The following LRSAM1 variants were observed in gnomAD, a reference collection of about 807,000 sequenced individuals.
The protein encoded by LRSAM1 is E3 ubiquitin-protein ligase LRSAM1.
Under a neutral mutation model 118.1 loss-of-function variants are expected in LRSAM1, and 96 were observed. The ratio of observed to expected loss-of-function variants is 0.81; its 90% confidence interval spans 0.69 to 0.96. The LOEUF (loss-of-function observed/expected upper bound fraction) is 0.96. Among genes scored for constraint, LRSAM1 ranks in the 40% least tolerant of loss-of-function variants. The probability of loss-of-function intolerance (pLI) is 0.00; values close to 1 mark genes in which losing one functional copy is unlikely to be tolerated. For missense variants in LRSAM1, 804 were observed against 915.5 expected (o/e 0.88, Z 1.57); for synonymous variants, 322 against 364.2 (o/e 0.88, Z 1.32).
chr9:127,499,605 A>C (rs1836294500), intron 24 of LRSAM1, among the ~76,000 whole-genome samples: 1 of 151,950 alleles, frequency 6.6e-6, no homozygotes, highest in African/African-American at 2.4e-5. Context: ...TGATAGCCTT[A>C]GAGGGTCTAG....
At chr9:127,492,983 CAAGT>C (rs1835990460) in intron 21 of LRSAM1, 86 bp downstream of exon 21, 1 of 1,086,482 alleles carries the variant, frequency 9.2e-7, no homozygotes, top group Non-Finnish European at 1.4e-6. Context: ...ACCTGTTATT[CAAGT>C]AAGAGTTATT....
At chr9:127,455,667 T>C in intron 5 of LRSAM1, 47 bp downstream of exon 5, 1 of 1,590,582 alleles carries the variant, frequency 6.3e-7, no homozygotes, top group African/African-American at 1.3e-5. Flanking sequence ...GCATGTCTGC[T>C]TGTTTGAACC....
At chr9:127,463,581 C>A (rs1392883116) in intron 9 of LRSAM1, among the ~76,000 whole-genome samples, 1 of 152,152 alleles carries the variant, frequency 6.6e-6, no homozygotes, top group Admixed American at 6.5e-5. Flanking sequence ...CTTAGAAGCA[C>A]ACCAGTCACA....
rs1020599505 is a variant in LRSAM1 at position 127,495,305 on chromosome 9, C to T, written c.1600-15C>T. The T allele has an allele frequency of 6.2e-7, 1 of 1,611,562 alleles. No homozygotes were observed. Among genetic ancestry groups the T allele is most frequent in the African/African-American group, 1.3e-5 (1 of 74,894 alleles). On this transcript the variant is annotated splice_polypyrimidine_tract_variant and intron_variant, in intron 21 of 25. Transcript: ENST00000300417. ...ACCATTTTGTGACTAACATTGCCTG[C>T]TTCATTCCTGGCAGACGGAGTTAGA... is the stretch of plus-strand genomic sequence containing the variant.
rs201264884 is a variant in LRSAM1 at position 127,489,480 on chromosome 9, G to A, written c.1384G>A (p.Val462Met). Reference protein sequence around the residue: ...MQKAAFEALQVKKDLMHRQIR... With the variant: ...MQKAAFEALQMKKDLMHRQIR... ...GAAGGCTGCGTTCGAGGCACTCCAG[G>A]TGAAGAAAGACCTGATGCATCGGCA... Residue 462 changes from valine (V) to methionine (M), a missense_variant, in exon 19 of 26, where the codon GTG becomes ATG. Val to Met is a conservative substitution (Grantham distance 21). Transcript: ENST00000300417. 1.2e-6 allele frequency: 2 copies of A among 1,610,436 alleles called. No homozygotes were observed. The highest frequency in any genetic ancestry group is 2.2e-5 in the East Asian group (1 of 44,798).
At chr9:127,497,112 C>G in intron 23 of LRSAM1, 141 bp from the exon 24 acceptor site, 6 of 800,164 alleles carry the variant, frequency 7.5e-6, no homozygotes, top group Non-Finnish European at 1.2e-5. Flanking sequence ...TGACCGTGGG[C>G]CCCGCCAGGC....
rs1216094587 is a variant in LRSAM1 at position 127,465,554 on chromosome 9, C to T, written c.529-2186C>T. ...AGGTATGGGGTTTTCTGCTGTTGGG[C>T]CCTCAGCATCTGGGCGGTCAGTTCC... On this transcript the variant is annotated intron_variant, in intron 9 of 25. Transcript: ENST00000300417. The surrounding 1 kb of genome is among the most constrained non-coding windows in gnomAD (Gnocchi z 4.1). Among the ~76,000 whole-genome samples the T allele has an allele frequency of 1.3e-5, 2 of 152,204 alleles. No individual in the cohort carries two copies. The highest frequency in any genetic ancestry group is 2.9e-5 in the Non-Finnish European group (2 of 68,038).
rs1588137587 is a variant in LRSAM1, at chr9:127,496,039, C to T, written c.1774C>T (p.His592Tyr). ...SAEHYLPIFAHHRLSLDLLSQ... is the reference protein window; with the variant it reads ...SAEHYLPIFAYHRLSLDLLSQ... ...TGAGCACTACCTGCCCATCTTTGCG[C>T]ACCACCGCCTCTCACTGGACCTGCT... Residue 592 changes from histidine (H) to tyrosine (Y), a missense_variant, in exon 23 of 26, where the codon CAC becomes TAC. His to Tyr is a moderately conservative substitution (Grantham distance 83). Coordinates refer to ENST00000300417, the MANE Select transcript of LRSAM1 (RefSeq NM_001005373.4). The T allele has an allele frequency of 1.2e-6, 2 of 1,612,452 alleles. No individual in the cohort carries two copies. Among genetic ancestry groups the T allele is most frequent in the Non-Finnish European group, 8.5e-7 (1 of 1,180,008 alleles).
At chr9:127,470,709 A>G (rs978444190) in intron 10 of LRSAM1, among the ~76,000 whole-genome samples, 2 of 152,102 alleles carry the variant, frequency 1.3e-5, no homozygotes, top group African/African-American at 4.8e-5. Flanking sequence ...TGCTCCTTTC[A>G]ACAACCTGGA....
At chr9:127,489,283 C>T (rs1009181533) in intron 18 of LRSAM1, among the ~76,000 whole-genome samples, 161 bp from the exon 19 acceptor site, 3 of 152,214 alleles carry the variant, frequency 2.0e-5, no homozygotes, top group Non-Finnish European at 4.4e-5. Flanking sequence ...CCCCTAGTAC[C>T]ATCTTAAGGT....
chr9:127,502,768 C>A lies in LRSAM1; in HGVS notation c.2047-6C>A, dbSNP rs1329512241. On this transcript the variant is annotated splice_polypyrimidine_tract_variant and splice_region_variant and intron_variant, in intron 25 of 25. Coordinates refer to ENST00000300417, the MANE Select transcript of LRSAM1 (RefSeq NM_001005373.4). ...CCAGCCACATGCTCCCGCTCTCCCT[C>A]CCCAGGCCCAGATGATCTTCCTCAA... 2 of 1,612,918 alleles carry A rather than the reference C, an allele frequency of 1.2e-6. No homozygotes were observed. The highest frequency in any genetic ancestry group is 2.2e-5 in the East Asian group (1 of 44,862).
At chr9:127,499,257 C>G (rs1049834966) in intron 24 of LRSAM1, among the ~76,000 whole-genome samples, 2 of 151,978 alleles carry the variant, frequency 1.3e-5, no homozygotes, top group Admixed American at 1.3e-4. Context: ...CACCTTAGTT[C>G]CAGCTACTCG....
Position 127,452,391 on chromosome 9 carries a change from ACTGGCTCTGCAGGC to A in LRSAM1, c.-33+314_-33+327del, listed in dbSNP as rs1834355945. Reference sequence around the variant, plus strand: ...CAGGTGGGGTGACAAGAGGGCCTGAACTGGCTCTGCAGGCCTGGCTGCCTCCCCAGACAGCCCCG... The same window carrying A: ...CAGGTGGGGTGACAAGAGGGCCTGAACTGGCTGCCTCCCCAGACAGCCCCG... On this transcript the variant is annotated intron_variant, in intron 2 of 25. Coordinates refer to ENST00000300417, the MANE Select transcript of LRSAM1 (RefSeq NM_001005373.4). 3 of 152,448 alleles carry A rather than the reference ACTGGCTCTGCAGGC, an allele frequency of 2.0e-5. No individual in the cohort carries two copies. The South Asian group carries it at 6.2e-4, about 32-fold the overall frequency. The allele number at this position is 152,448 out of a possible 1,614,324, so 9.4% of individuals were successfully genotyped here.
intron 7 of LRSAM1, among the ~76,000 whole-genome samples, chr9:127,459,927 A>G (rs957524737): frequency 6.6e-6 from 1 of 152,126 alleles, no homozygotes; most frequent in Admixed American, 6.5e-5. Flanking sequence ...ACAATAACTC[A>G]TAGCATCCTT....
chr9:127,497,232 C>T, intron 23 of LRSAM1, 21 bp from the exon 24 acceptor site: 1 of 1,612,160 alleles, frequency 6.2e-7, no homozygotes, highest in East Asian at 2.2e-5. Context: ...CCACAGTCTG[C>T]ACTTCCTTGA....
Position 127,502,860 on chromosome 9 carries a change from G to C in LRSAM1, c.2133G>C (p.Gln711His), listed in dbSNP as rs2132134155. The change falls in exon 26 of 26, where the codon CAG becomes CAC. Residue 711 changes from glutamine (Q) to histidine (H), a missense_variant. By Grantham distance (24) the Gln-to-His change is conservative. Coordinates refer to ENST00000300417, the MANE Select transcript of LRSAM1 (RefSeq NM_001005373.4). ...QPLRTCPLCRQDIAQRLRIYH... is the reference protein window; with the variant it reads ...QPLRTCPLCRHDIAQRLRIYH... The stretch of plus-strand genomic sequence containing the variant: ...TGCGCACCTGCCCGCTGTGCCGCCA[G>C]GACATCGCCCAGCGCCTCCGCATCT... The C allele has an allele frequency of 1.2e-6, 2 of 1,610,964 alleles. No homozygotes were observed. Among genetic ancestry groups the C allele is most frequent in the East Asian group, 2.2e-5 (1 of 44,766 alleles).
chr9:127,454,606 GA>G lies in LRSAM1; in HGVS notation c.72+10del, dbSNP rs1554753226. 7 of 1,613,446 alleles carry G rather than the reference GA, an allele frequency of 4.3e-6. No individual in the cohort carries two copies. The highest frequency in any genetic ancestry group is 5.9e-6 in the Non-Finnish European group (7 of 1,179,690). On this transcript the variant is annotated splice_region_variant and intron_variant, in intron 3 of 25. Transcript: ENST00000300417. ...GGAGTACCAGATGTGTTTGGTGAGG[GA>G]AAGTGGGTTTCCTCTAACTCTATCC...
At position 127,502,734 on chromosome 9, in the gene LRSAM1, C is replaced by T. The variant is rs543139061; in HGVS notation, c.2047-40C>T. 16 of 1,608,350 alleles carry T rather than the reference C, an allele frequency of 9.9e-6. No homozygotes were observed. The South Asian group carries it at 1.5e-4, about 16-fold the overall frequency. On this transcript the variant is annotated intron_variant, in intron 25 of 25. Coordinates refer to ENST00000300417, the MANE Select transcript of LRSAM1 (RefSeq NM_001005373.4). Reference sequence around the variant, plus strand: ...AAGACGGGCCTGGGACTCCTGGAACCCGGTAGGGCCAGCCACATGCTCCCG... The same window carrying T: ...AAGACGGGCCTGGGACTCCTGGAACTCGGTAGGGCCAGCCACATGCTCCCG...
At chr9:127,457,142 G>A (rs1834548112) in intron 5 of LRSAM1, among the ~76,000 whole-genome samples, 174 bp from the exon 6 acceptor site, 1 of 152,228 alleles carries the variant, frequency 6.6e-6, no homozygotes, top group South Asian at 2.1e-4. Flanking sequence ...TTTAAGGAAG[G>A]GCATTAGATT....
Sources: gnomAD v4.1 joint callset for allele counts (sites outside exome capture counted in the v4.1 genomes callset) on GRCh38, gnomAD v4.1.1 for gene constraint, Gnocchi (gnomAD v3.1) non-coding constraint, MANE v1.5 for transcripts, NCBI Gene and HGNC (gene_info 2026-07-23, HGNC 2026-07-21) for gene names.